Variants in SMAD4 observed in about 807,000 individuals in gnomAD.
SMAD4 encodes SMAD family member 4.
A neutral mutation model predicts 63.2 loss-of-function variants in SMAD4; 7 were observed. The ratio of observed to expected loss-of-function variants is 0.11; its 90% CI spans 0.06 to 0.21. SMAD4 has a LOEUF of 0.21. Ranked by LOEUF, SMAD4 falls within the 10% of genes least tolerant of loss-of-function variation. The pLI is 1.00. For synonymous variants in SMAD4, 215 were observed against 235.4 expected (o/e 0.91, Z 0.79); for missense variants, 312 against 693.8 (o/e 0.45, Z 6.18).
chr18:51,083,928 C>T lies in SMAD4; in HGVS notation c.*5461C>T. ...TATGGACAAAAGGTTACATAGTATG[C>T]CCTTAAGACTTAATTTTAACCAAAG... On this transcript the variant is annotated 3_prime_UTR_variant, in exon 12 of 12. Transcript: ENST00000342988. 4.3e-6 allele frequency: 1 copy of T among 230,630 alleles called. No individual in the cohort carries two copies. Among genetic ancestry groups the T allele is most frequent in the East Asian group, 6.1e-5 (1 of 16,342 alleles). The allele number at this position is 230,630 out of a possible 1,614,324, so 14.3% of individuals were successfully genotyped here. A position where few individuals can be genotyped will look rare whatever the true frequency, so the allele number is the denominator to read the frequency against.
rs1206092911 is a variant in SMAD4, at chr18:51,060,135, T to G, written c.955+219T>G. 2.0e-5 allele frequency among the ~76,000 whole-genome samples: 3 copies of G among 152,198 alleles called. No homozygotes were observed. The East Asian group carries it at 5.8e-4, about 29-fold the overall frequency. On this transcript the variant is annotated intron_variant, in intron 8 of 11. Coordinates refer to ENST00000342988, the MANE Select transcript of SMAD4 (RefSeq NM_005359.6). ...CTGTCCCCAAAAGAAAAGAACTATCTTTTCAGCTAAAATGAGAATTACAGA... is the reference window on the plus strand; with the variant it reads ...CTGTCCCCAAAAGAAAAGAACTATCGTTTCAGCTAAAATGAGAATTACAGA...
intron 4 of SMAD4, 81 bp downstream of exon 4, chr18:51,049,405 G>A (rs2144408074): frequency 1.0e-6 from 1 of 998,908 alleles, no homozygotes; most frequent in Admixed American, 1.7e-5. Context: ...ATTAGTTTGT[G>A]TGAGCGGCAG....
chr18:51,036,925 A>AG (rs779044733), intron 1 of SMAD4, among the ~76,000 whole-genome samples: 1 of 152,194 alleles, frequency 6.6e-6, no homozygotes, highest in Non-Finnish European at 1.5e-5. Context: ...TGGGAGGCCA[A>AG]GGGGGGTGCG....
chr18:51,067,133 T>C lies in SMAD4; in HGVS notation c.1254T>C (p.Ala418=). 6.2e-7 allele frequency: 1 copy of C among 1,610,844 alleles called. No individual in the cohort carries two copies. The highest frequency in any genetic ancestry group is 8.5e-7 in the Non-Finnish European group (1 of 1,176,990). ...AGAGTTACTACTTAGACAGAGAAGC[T>C]GGGCGTGCACCTGGAGATGCTGTTC... ...FVQSYYLDRE[A]GRAPGDAVHK... is the part of the protein sequence containing the mutation. Residue 418 remains alanine, a synonymous_variant, in exon 10 of 12, where the codon GCT becomes GCC. Coordinates refer to ENST00000342988, the MANE Select transcript of SMAD4 (RefSeq NM_005359.6).
At chr18:51,058,566 T>G in intron 7 of SMAD4, 110 bp downstream of exon 7, 1 of 782,800 alleles carries the variant, frequency 1.3e-6, no homozygotes. Flanking sequence ...TGTGATTTTG[T>G]TTCATTAAAT....
At position 51,071,819 on chromosome 18, in the gene SMAD4, C is replaced by T. The variant is rs370468404; in HGVS notation, c.1308+4632C>T. 1.8e-3 allele frequency among the ~76,000 whole-genome samples: 280 copies of T among 152,308 alleles called. 1 individual carries two copies. Among genetic ancestry groups the T allele is most frequent in the African/African-American group, 6.3e-3 (264 of 41,576 alleles). ...TTAGCTCTAGACAACCACTATTCTA[C>T]GCTCTTTGTAGATTTGCCTATTCAG... On this transcript the variant is annotated intron_variant, in intron 10 of 11. Coordinates refer to ENST00000342988, the MANE Select transcript of SMAD4 (RefSeq NM_005359.6).
intron 4 of SMAD4, chr18:51,054,237 G>C (rs1451406254): frequency 3.8e-5 from 6 of 157,856 alleles, no homozygotes; most frequent in Admixed American, 6.0e-5. Flanking sequence ...TAAACCTATA[G>C]GGGACATTAC....
In SMAD4 at chr18:51,065,591, C is replaced by T. The variant is rs1555686499; in HGVS notation, c.1124C>T (p.Ala375Val). The T allele has an allele frequency of 6.2e-7, 1 of 1,613,854 alleles. No homozygotes were observed. Among genetic ancestry groups the T allele is most frequent in the Non-Finnish European group, 8.5e-7 (1 of 1,179,880 alleles). ...GQLSNVHRTEAIERARLHIGK... is the reference protein window; with the variant it reads ...GQLSNVHRTEVIERARLHIGK... ...CTCTCCAATGTCCACAGGACAGAAG[C>T]CATTGAGAGAGCAAGGTATTGATTG... Residue 375 changes from alanine (A) to valine (V), a missense_variant, in exon 9 of 12, where the codon GCC (alanine) becomes GTC (valine). By Grantham distance (64) the Ala-to-Val change is moderately conservative. Around this residue, in one of 4 missense-constraint regions of SMAD4, gnomAD observed 92 missense variants for 305.9 expected, o/e 0.30. Coordinates refer to ENST00000342988, the MANE Select transcript of SMAD4 (RefSeq NM_005359.6).
chr18:51,063,415 A>T (rs1032552465), intron 8 of SMAD4, among the ~76,000 whole-genome samples: 61 of 151,538 alleles, frequency 4.0e-4, no homozygotes, highest in Admixed American at 1.2e-3. Context: ...ATATATATAT[A>T]TTTTTTTAAA....
chr18:51,043,616 A>G (rs971973324), intron 1 of SMAD4, among the ~76,000 whole-genome samples: 4 of 152,138 alleles, frequency 2.6e-5, no homozygotes, highest in African/African-American at 7.2e-5. Context: ...GAATACAATA[A>G]AGAGAGAGAT....
chr18:51,082,182 T>C lies in SMAD4; in HGVS notation c.*3715T>C, dbSNP rs1910626416. 2 of 230,002 alleles carry C rather than the reference T, an allele frequency of 8.7e-6. No homozygotes were observed. Among genetic ancestry groups the C allele is most frequent in the Non-Finnish European group, 1.7e-5 (2 of 116,196 alleles). 14.2% of individuals were successfully genotyped at this position (230,002 alleles called of 1,614,324 possible). On this transcript the variant is annotated 3_prime_UTR_variant, in exon 12 of 12. Transcript: ENST00000342988. The stretch of plus-strand genomic sequence containing the variant: ...TACCTCTAAAGCCAGTTAACAATTA[T>C]TTTGTAGGTGGGGTACACTCAGCTT...
rs533165295 is a variant in SMAD4, at chr18:51,038,177, A to G, written c.-128+7554A>G. 4.0e-3 allele frequency among the ~76,000 whole-genome samples: 596 copies of G among 150,664 alleles called. 2 individuals are homozygous for G. Among genetic ancestry groups the G allele is most frequent in the Non-Finnish European group, 7.1e-3 (481 of 67,566 alleles). On this transcript the variant is annotated intron_variant, in intron 1 of 11. Coordinates refer to ENST00000342988, the MANE Select transcript of SMAD4 (RefSeq NM_005359.6). ...GAGGGTGAGGTGAGAAGATTGCTTC[A>G]GCCAGGGAGTTCAAGGCTGGATTAA...
chr18:51,046,114 C>T (rs1909535220), intron 1 of SMAD4, among the ~76,000 whole-genome samples: 1 of 152,090 alleles, frequency 6.6e-6, no homozygotes, highest in African/African-American at 2.4e-5. Context: ...TTTTCATTTC[C>T]CTCAAGTAGA....
intron 1 of SMAD4, chr18:51,045,017 TAAC>T (rs769250078): frequency 1.1e-4 from 17 of 152,192 alleles, no homozygotes; most frequent in South Asian, 2.1e-4. Flanking sequence ...GTGAAAGAGA[TAAC>T]AACAGAGGGA....
chr18:51,048,417 C>T lies in SMAD4; in HGVS notation c.250-269C>T, dbSNP rs538341187. ...AAGCGATCCTCCTGCCTTGGCCTCC[C>T]AAAGTGATAGGATTACAGGTGTGAG... On this transcript the variant is annotated intron_variant, in intron 2 of 11. Coordinates refer to ENST00000342988, the MANE Select transcript of SMAD4 (RefSeq NM_005359.6). Among the ~76,000 whole-genome samples the T allele has an allele frequency of 2.6e-5, 4 of 152,308 alleles. No homozygotes were observed. In the South Asian group the frequency reaches 8.3e-4, roughly 32 times the overall value.
chr18:51,081,008 T>C lies in SMAD4; in HGVS notation c.*2541T>C. On this transcript the variant is annotated 3_prime_UTR_variant, in exon 12 of 12. Transcript: ENST00000342988. Reference sequence around the variant, plus strand: ...GAAATACTTCTAGTTGTTAAGTGCTTATATTTGTACCTAGATTTAGTCACA... The same window carrying C: ...GAAATACTTCTAGTTGTTAAGTGCTCATATTTGTACCTAGATTTAGTCACA... 1 of 208,210 alleles carries C rather than the reference T, an allele frequency of 4.8e-6. No homozygotes were observed. The allele number at this position is 208,210 out of a possible 1,614,324, so 12.9% of individuals were successfully genotyped here.
At chr18:51,051,811 T>C (rs1211146636) in intron 4 of SMAD4, among the ~76,000 whole-genome samples, 3 of 151,986 alleles carry the variant, frequency 2.0e-5, no homozygotes, top group African/African-American at 7.3e-5. Flanking sequence ...AGAACATTTT[T>C]TTTTTCTTTT....
At chr18:51,057,286 T>G (rs1193877127) in intron 5 of SMAD4, among the ~76,000 whole-genome samples, 1 of 152,158 alleles carries the variant, frequency 6.6e-6, no homozygotes, top group Non-Finnish European at 1.5e-5. Flanking sequence ...ACAGTCGAGT[T>G]AATTAATGCT....
chr18:51,059,499 C>T (rs1252163924), intron 7 of SMAD4, among the ~76,000 whole-genome samples: 3 of 152,160 alleles, frequency 2.0e-5, no homozygotes, highest in Admixed American at 6.5e-5. Context: ...AACATAAGCA[C>T]TTGTTTTTAG....
Sources: gnomAD v4.1 joint callset for allele counts (sites outside exome capture counted in the v4.1 genomes callset) on GRCh38, gnomAD v4.1.1 for gene constraint, gnomAD v4.1.1 regional missense constraint, MANE v1.5 for transcripts, NCBI Gene and HGNC (gene_info 2026-07-23, HGNC 2026-07-21) for gene names.